The following CORIN variants were observed in gnomAD, a reference collection of about 807,000 sequenced individuals.
CORIN encodes corin, serine peptidase, also known as atrial natriuretic peptide-converting enzyme.
A neutral mutation model predicts 125.3 loss-of-function variants in CORIN; 117 were observed. The observed-to-expected ratio is 0.93, with a 90% CI of 0.80 to 1.09. The LOEUF (loss-of-function observed/expected upper bound fraction) is 1.09. CORIN is among the 50% of genes least tolerant of loss of function. CORIN has a pLI of 0.00. For missense variants in CORIN, 1,253 were observed against 1,306.7 expected (o/e 0.96, Z 0.63); for synonymous variants, 450 against 466.4 (o/e 0.96, Z 0.45).
intron 13 of CORIN, among the ~76,000 whole-genome samples, chr4:47,646,660 A>G (rs2351794): frequency 0.14 from 21,079 of 152,234 alleles, 1,960 homozygotes; most frequent in East Asian, 0.47. Flanking sequence ...CCCCTTGGCT[A>G]GAACAATGGC....
At chr4:47,811,325 G>C (rs893091017) in intron 1 of CORIN, among the ~76,000 whole-genome samples, 2 of 152,154 alleles carry the variant, frequency 1.3e-5, no homozygotes, top group Admixed American at 6.5e-5. Flanking sequence ...GGAGGGCTTT[G>C]GATTTACATT....
At chr4:47,611,373 A>T (rs1462972189) in intron 19 of CORIN, among the ~76,000 whole-genome samples, 1 of 152,188 alleles carries the variant, frequency 6.6e-6, no homozygotes, top group African/African-American at 2.4e-5. Context: ...ATGGGAGTTC[A>T]TTCATGATTT....
intron 5 of CORIN, among the ~76,000 whole-genome samples, chr4:47,712,501 T>C (rs1322809864): frequency 2.0e-5 from 3 of 152,166 alleles, no homozygotes; most frequent in Admixed American, 2.0e-4. Flanking sequence ...CAGGCTGGTC[T>C]TGAACTCCTG....
At chr4:47,604,820 TA>T (rs1488834972) in intron 19 of CORIN, among the ~76,000 whole-genome samples, 1 of 152,330 alleles carries the variant, frequency 6.6e-6, no homozygotes, top group East Asian at 1.9e-4. Context: ...TCAGGATATA[TA>T]TTGACTATAT....
intron 13 of CORIN, among the ~76,000 whole-genome samples, chr4:47,645,540 C>T (rs2109622027): frequency 6.6e-6 from 1 of 151,308 alleles, no homozygotes; most frequent in African/African-American, 2.4e-5. Flanking sequence ...GTAGAAATAA[C>T]CAATAATATT....
At chr4:47,730,472 CAAAAAAAAAAAA>C (rs71199996) in intron 5 of CORIN, among the ~76,000 whole-genome samples, 5 of 66,028 alleles carry the variant, frequency 7.6e-5, no homozygotes, top group African/African-American at 1.0e-4. Context: ...GACTCCATCT[CAAAAAAAAAAAA>C]AAAAAAAAAA....
intron 1 of CORIN, among the ~76,000 whole-genome samples, chr4:47,823,231 C>A (rs1207882725): frequency 6.6e-6 from 1 of 152,172 alleles, no homozygotes; most frequent in Non-Finnish European, 1.5e-5. Context: ...CTCCATTTGG[C>A]CAATGGAAGT....
rs142586766 is a variant in CORIN, at chr4:47,792,303, G to A, written c.209-5378C>T. Among the ~76,000 whole-genome samples, 144 of 152,260 alleles carry A rather than the reference G, an allele frequency of 9.5e-4. 1 individual carries two copies. The highest frequency in any genetic ancestry group is 6.7e-3 in the East Asian group (35 of 5,186). On this transcript the variant is annotated intron_variant, in intron 2 of 21. Transcript: ENST00000273857. Reference sequence around the variant, plus strand: ...ACAGGATAGGTCTTGTACAAGGCTTGGAATTTACCTTGTGATAGAAAATTT... The same window carrying A: ...ACAGGATAGGTCTTGTACAAGGCTTAGAATTTACCTTGTGATAGAAAATTT...
intron 5 of CORIN, 148 bp downstream of exon 5, chr4:47,744,254 C>A: frequency 2.8e-6 from 2 of 711,188 alleles, no homozygotes. Flanking sequence ...TGTTAATATT[C>A]TATTCCTTGA....
At chr4:47,621,362 A>T (rs1394669344) in intron 19 of CORIN, among the ~76,000 whole-genome samples, 1 of 152,210 alleles carries the variant, frequency 6.6e-6, no homozygotes, top group African/African-American at 2.4e-5. Context: ...AACAGGCAGC[A>T]TCTACTGTCA....
At position 47,595,079 on chromosome 4, in the gene CORIN, T is replaced by C. The variant is rs922516644; in HGVS notation, c.*642A>G. The C allele has an allele frequency of 3.9e-5, 6 of 152,196 alleles. No individual in the cohort carries two copies. The highest frequency in any genetic ancestry group is 9.6e-5 in the African/African-American group (4 of 41,462). The allele number at this position is 152,196 out of a possible 1,614,324, so 9.4% of individuals were successfully genotyped here. A position where few individuals can be genotyped will look rare whatever the true frequency, so the allele number is the denominator to read the frequency against. ...TTATGCAAACATTAGAAGGGGGTAA[T>C]AGTAAATACTTTAAACATGTAAATT... On this transcript the variant is annotated 3_prime_UTR_variant, in exon 22 of 22. Coordinates refer to ENST00000273857, the MANE Select transcript of CORIN (RefSeq NM_006587.4).
chr4:47,758,658 C>A (rs2109862511), intron 4 of CORIN, among the ~76,000 whole-genome samples: 1 of 152,276 alleles, frequency 6.6e-6, no homozygotes, highest in East Asian at 1.9e-4. Flanking sequence ...CCTCATTTGT[C>A]ATAGGAAGTA....
intron 15 of CORIN, among the ~76,000 whole-genome samples, chr4:47,642,429 G>A (rs902016437): frequency 2.0e-5 from 3 of 152,212 alleles, no homozygotes; most frequent in Non-Finnish European, 2.9e-5. Flanking sequence ...ATACGAGAAC[G>A]CAAGTGCGTG....
chr4:47,674,475 G>T lies in CORIN; in HGVS notation c.1275C>A (p.Asp425Glu), dbSNP rs779011378. Residue 425 changes from aspartate to glutamate, a missense_variant, in exon 10 of 22, where the codon GAC becomes GAA. Coordinates refer to ENST00000273857, the MANE Select transcript of CORIN (RefSeq NM_006587.4). ...SVIQTSCQEG[D>E]QRCLYNPCLD... ...GGCAGGGATTGTAGAGGCATCTTTGGTCTCCTTCTTGACATGAAGTCTGAA... is the reference window on the plus strand; with the variant it reads ...GGCAGGGATTGTAGAGGCATCTTTGTTCTCCTTCTTGACATGAAGTCTGAA... 2.5e-5 allele frequency: 40 copies of T among 1,613,630 alleles called. No homozygotes were observed. In the South Asian group the frequency reaches 4.2e-4, roughly 17 times the overall value.
intron 5 of CORIN, among the ~76,000 whole-genome samples, chr4:47,713,574 G>A (rs553760006): frequency 2.0e-5 from 3 of 152,240 alleles, no homozygotes; most frequent in South Asian, 2.1e-4. Context: ...TCAGCCCTGC[G>A]TGGAGGCTCC....
At chr4:47,773,935 GACAA>G (rs1730175222) in intron 3 of CORIN, among the ~76,000 whole-genome samples, 2 of 151,568 alleles carry the variant, frequency 1.3e-5, no homozygotes, top group South Asian at 4.2e-4. Context: ...CTTTTGGGGA[GACAA>G]ACATTCTGTC....
chr4:47,770,427 G>A (rs1729972089), intron 3 of CORIN, among the ~76,000 whole-genome samples: 1 of 152,056 alleles, frequency 6.6e-6, no homozygotes, highest in African/African-American at 2.4e-5. Context: ...TGTTGATAGG[G>A]TTGTAAATTA....
chr4:47,699,600 G>A (rs1228266474), intron 5 of CORIN, among the ~76,000 whole-genome samples: 1 of 152,188 alleles, frequency 6.6e-6, no homozygotes, highest in Non-Finnish European at 1.5e-5. Flanking sequence ...GTGCAAGTTA[G>A]ATATCTGTTG....
intron 1 of CORIN, among the ~76,000 whole-genome samples, chr4:47,819,550 A>G (rs1385542613): frequency 1.3e-5 from 2 of 152,214 alleles, no homozygotes; most frequent in Non-Finnish European, 2.9e-5. Flanking sequence ...GGAACCAACC[A>G]TTCCTATGCA....
Sources: allele counts gnomAD v4.1 joint callset (sites outside exome capture counted in the v4.1 genomes callset), GRCh38; gene constraint gnomAD v4.1.1; transcripts MANE v1.5; gene names NCBI Gene and HGNC (gene_info 2026-07-23, HGNC 2026-07-21).